VPS13B: variants seen among roughly 807,000 people sequenced by gnomAD.
The protein encoded by VPS13B is vacuolar protein sorting 13 homolog B.
A neutral mutation model predicts 426.4 loss-of-function variants in VPS13B; 285 were observed. That is an observed-to-expected ratio of 0.67 (90% CI 0.61 to 0.74). The LOEUF (loss-of-function observed/expected upper bound fraction) is 0.74, where lower values mean the gene tolerates loss of function less well. VPS13B is among the 30% of genes least tolerant of loss of function. The probability of loss-of-function intolerance (pLI) is 0.00; values close to 1 mark genes in which losing one functional copy is unlikely to be tolerated. For missense variants in VPS13B, 4,537 were observed against 4,782.6 expected, an observed-to-expected ratio of 0.95 and a Z score of 1.51; for synonymous variants, 1,676 against 1,676.4, an observed-to-expected ratio of 1.00 and a Z score of 0.01.
chr8:99,799,390 A>G (rs1813013454), intron 43 of VPS13B, among the ~76,000 whole-genome samples: 1 of 152,212 alleles, frequency 6.6e-6, no homozygotes, highest in Non-Finnish European at 1.5e-5. Flanking sequence ...AGTTAGGACA[A>G]GGTCTTAGAT....
intron 17 of VPS13B, among the ~76,000 whole-genome samples, chr8:99,264,068 T>C (rs1469710518): frequency 6.6e-6 from 1 of 152,136 alleles, no homozygotes; most frequent in Non-Finnish European, 1.5e-5. Context: ...TGTCTTGGAG[T>C]TAATAACTGT....
intron 3 of VPS13B, among the ~76,000 whole-genome samples, chr8:99,051,475 C>T (rs552191832): frequency 1.3e-5 from 2 of 151,740 alleles, no homozygotes; most frequent in African/African-American, 4.8e-5. Flanking sequence ...ATGCCTCCAG[C>T]TTTGTTCTTT....
At chr8:99,459,097 G>A (rs1444210613) in intron 23 of VPS13B, among the ~76,000 whole-genome samples, 1 of 152,106 alleles carries the variant, frequency 6.6e-6, no homozygotes, top group Non-Finnish European at 1.5e-5. Context: ...TACTTTGTAT[G>A]ATGGTCATTC....
At chr8:99,751,057 G>C (rs1810370103) in intron 39 of VPS13B, among the ~76,000 whole-genome samples, 1 of 152,114 alleles carries the variant, frequency 6.6e-6, no homozygotes, top group Non-Finnish European at 1.5e-5. Context: ...ACCACACTGA[G>C]ATTTATTCCC....
chr8:99,429,306 T>A (rs1816952765), intron 21 of VPS13B, among the ~76,000 whole-genome samples: 1 of 150,460 alleles, frequency 6.6e-6, no homozygotes, highest in African/African-American at 2.4e-5. Context: ...AAAGAAAAAG[T>A]ATGTCTGATT....
At chr8:99,659,353 G>A (rs1177866705) in intron 34 of VPS13B, among the ~76,000 whole-genome samples, 2 of 151,816 alleles carry the variant, frequency 1.3e-5, no homozygotes, top group East Asian at 1.9e-4. Flanking sequence ...ATATATTAAT[G>A]GTATCCCTTT....
intron 2 of VPS13B, among the ~76,000 whole-genome samples, chr8:99,028,631 C>G (rs1484926307): frequency 3.1e-5 from 4 of 130,144 alleles, no homozygotes; most frequent in Non-Finnish European, 6.8e-5. Flanking sequence ...TGACCCCCCC[C>G]ACCTCCCTCC....
chr8:99,070,238 G>A (rs1010687679), intron 3 of VPS13B, among the ~76,000 whole-genome samples: 2 of 152,102 alleles, frequency 1.3e-5, no homozygotes, highest in African/African-American at 4.8e-5. Context: ...TTAGTTCTTC[G>A]ATTATCTTAA....
rs551428614 is a variant in VPS13B, at chr8:99,811,239, A to G, written c.8097+1709A>G. Among the ~76,000 whole-genome samples the G allele has an allele frequency of 1.6e-3, 246 of 152,262 alleles. 1 individual carries two copies. The highest frequency in any genetic ancestry group is 5.5e-3 in the African/African-American group (228 of 41,544). ...TTTTCTTCCTGATTTCGAACCAAAAATCTTTCACCATTCCACCACCTTTCC... is the reference window on the plus strand; with the variant it reads ...TTTTCTTCCTGATTTCGAACCAAAAGTCTTTCACCATTCCACCACCTTTCC... On this transcript the variant is annotated intron_variant, in intron 44 of 61. Coordinates refer to ENST00000357162, the MANE Select transcript of VPS13B (RefSeq NM_152564.5).
chr8:99,692,927 A>C (rs1200255981), intron 35 of VPS13B, among the ~76,000 whole-genome samples: 1 of 150,018 alleles, frequency 6.7e-6, no homozygotes, highest in African/African-American at 2.5e-5. Flanking sequence ...CTCTACACAA[A>C]TAAACTAGAA....
chr8:99,490,202 T>C (rs1401622709), intron 25 of VPS13B, among the ~76,000 whole-genome samples: 1 of 152,194 alleles, frequency 6.6e-6, no homozygotes, highest in Non-Finnish European at 1.5e-5. Context: ...ATGGAATATG[T>C]TTATTGATTT....
chr8:99,091,261 AG>A (rs2132414508), intron 3 of VPS13B, among the ~76,000 whole-genome samples: 1 of 152,282 alleles, frequency 6.6e-6, no homozygotes, highest in Admixed American at 6.5e-5. Flanking sequence ...AAAAGCACAT[AG>A]AAGTGTTCAC....
At chr8:99,506,744 C>A (rs965504394) in intron 27 of VPS13B, among the ~76,000 whole-genome samples, 1 of 152,166 alleles carries the variant, frequency 6.6e-6, no homozygotes, top group Admixed American at 6.6e-5. Flanking sequence ...GTAGTTCCAG[C>A]TGCTGGGGAG....
At chr8:99,134,870 G>T in intron 9 of VPS13B, 143 bp downstream of exon 9, 1 of 1,192,120 alleles carries the variant, frequency 8.4e-7, no homozygotes. Flanking sequence ...CTATCTCATG[G>T]ATAGTATAAA....
At chr8:99,202,343 G>A (rs1310188654) in intron 17 of VPS13B, among the ~76,000 whole-genome samples, 4 of 152,174 alleles carry the variant, frequency 2.6e-5, no homozygotes, top group African/African-American at 9.7e-5. Context: ...GGCCTCACTA[G>A]GCTCACAGAA....
intron 36 of VPS13B, among the ~76,000 whole-genome samples, chr8:99,700,913 G>A (rs1268936205): frequency 6.6e-6 from 1 of 152,114 alleles, no homozygotes; most frequent in African/African-American, 2.4e-5. Context: ...TTTGTGGGGG[G>A]AAATTGGGGA....
chr8:99,671,969 C>T (rs1830735292), intron 35 of VPS13B, among the ~76,000 whole-genome samples: 1 of 152,052 alleles, frequency 6.6e-6, no homozygotes, highest in Non-Finnish European at 1.5e-5. Context: ...CTATTCTGTT[C>T]CATTGGTTTG....
chr8:99,222,232 CT>C (rs1314867712), intron 17 of VPS13B, among the ~76,000 whole-genome samples: 1 of 152,168 alleles, frequency 6.6e-6, no homozygotes, highest in Non-Finnish European at 1.5e-5. Flanking sequence ...TTTAGTCTGT[CT>C]AATCCACTAG....
intron 24 of VPS13B, among the ~76,000 whole-genome samples, 188 bp downstream of exon 24, chr8:99,467,822 C>A (rs1204266945): frequency 6.9e-6 from 1 of 145,896 alleles, no homozygotes; most frequent in East Asian, 1.9e-4. Flanking sequence ...TTAAACTCTT[C>A]TGAAAATGTA....
Sources: allele counts gnomAD v4.1 joint callset (sites outside exome capture counted in the v4.1 genomes callset), GRCh38; gene constraint gnomAD v4.1.1; transcripts MANE v1.5; gene names NCBI Gene and HGNC (gene_info 2026-07-23, HGNC 2026-07-21).